ADCY7: variants seen among roughly 807,000 people sequenced by gnomAD.
ADCY7 encodes adenylate cyclase type 7.
In ADCY7, 72 loss-of-function variants were observed where a neutral mutation model predicts 120.6. The observed-to-expected ratio is 0.60, with a 90% confidence interval of 0.49 to 0.73. The LOEUF (loss-of-function observed/expected upper bound fraction) is 0.73. Ranked by LOEUF, ADCY7 falls within the 30% of genes least tolerant of loss-of-function variation. The pLI is 0.00. For missense variants in ADCY7, 1,227 were observed against 1,486.0 expected (o/e 0.83, Z 2.87); for synonymous variants, 661 against 628.0 (o/e 1.05, Z -0.78).
Position 50,308,331 on chromosome 16 carries a change from G to A in ADCY7, c.1855G>A (p.Ala619Thr), listed in dbSNP as rs2036216680. 5 of 1,614,220 alleles carry A rather than the reference G, an allele frequency of 3.1e-6. No homozygotes were observed. Among genetic ancestry groups the A allele is most frequent in the African/African-American group, 2.7e-5 (2 of 75,058 alleles). The part of the protein sequence containing the change: ...LVHVLLMPRT[A>T]ALGVSFGLVA... ...AGGTTCTTCCCTCCTCTCCAGGACG[G>A]CGGCACTGGGTGTGTCCTTCGGGCT... The change falls in exon 16 of 26, where the codon GCG (alanine) becomes ACG (threonine). Residue 619 changes from alanine (A) to threonine (T), a missense_variant. Coordinates refer to ENST00000673801, the MANE Select transcript of ADCY7 (RefSeq NM_001114.5).
Position 50,288,035 on chromosome 16 carries a change from A to T in ADCY7, c.-145A>T. 1 of 933,300 alleles carries T rather than the reference A, an allele frequency of 1.1e-6. No individual in the cohort carries two copies. The highest frequency in any genetic ancestry group is 1.5e-6 in the Non-Finnish European group (1 of 650,270). The allele number at this position is 933,300 out of a possible 1,614,324, so 57.8% of individuals were successfully genotyped here. A position where few individuals can be genotyped will look rare whatever the true frequency, so the allele number is the denominator to read the frequency against. ...TTGTTGGCCATGGAGCAGCAGGCCC[A>T]GAGGCCCTCTCCCCAGCCCTGCTTG... On this transcript the variant is annotated 5_prime_UTR_variant, in exon 2 of 26. Coordinates refer to ENST00000673801, the MANE Select transcript of ADCY7 (RefSeq NM_001114.5).
In ADCY7 at chr16:50,294,622, ACCC is replaced by A; in HGVS notation, c.837-17_837-15del. ...GAGCCTGGCTCTGACACTCCCTCCC[ACCC>A]TGCCCCATCCCCAGCATCCTCTATG... is the stretch of plus-strand genomic sequence containing the variant. On this transcript the variant is annotated splice_polypyrimidine_tract_variant and intron_variant, in intron 6 of 25. Transcript: ENST00000673801. 1.3e-6 allele frequency: 1 copy of A among 793,402 alleles called. No homozygotes were observed. The highest frequency in any genetic ancestry group is 2.2e-6 in the Non-Finnish European group (1 of 459,496). 49.1% of individuals were successfully genotyped at this position (793,402 alleles called of 1,614,324 possible). A position where few individuals can be genotyped will look rare whatever the true frequency, so the allele number is the denominator to read the frequency against.
At chr16:50,315,281 T>C (rs2036745742) in intron 25 of ADCY7, 78 bp from the exon 26 acceptor site, 2 of 1,567,214 alleles carry the variant, frequency 1.3e-6, no homozygotes, top group South Asian at 1.2e-5. Flanking sequence ...ACTGCATGCC[T>C]GGGCAGTCTC....
chr16:50,269,456 G>A (rs1329012335), intron 1 of ADCY7, among the ~76,000 whole-genome samples: 1 of 152,228 alleles, frequency 6.6e-6, no homozygotes, highest in Non-Finnish European at 1.5e-5. Context: ...ACCCTGCCCT[G>A]TGCCTGGACT....
At chr16:50,295,478 G>C (rs2035295175) in intron 7 of ADCY7, among the ~76,000 whole-genome samples, 1 of 150,450 alleles carries the variant, frequency 6.6e-6, no homozygotes, top group African/African-American at 2.5e-5. Context: ...ACAGCCGTGG[G>C]CCACCACTCC....
chr16:50,313,943 C>T lies in ADCY7; in HGVS notation c.2752-15C>T. 1 of 1,605,346 alleles carries T rather than the reference C, an allele frequency of 6.2e-7. No individual in the cohort carries two copies. The highest frequency in any genetic ancestry group is 8.5e-7 in the Non-Finnish European group (1 of 1,174,252). On this transcript the variant is annotated splice_polypyrimidine_tract_variant and intron_variant, in intron 22 of 25. Coordinates refer to ENST00000673801, the MANE Select transcript of ADCY7 (RefSeq NM_001114.5). Reference sequence around the variant, plus strand: ...TGGAGTGGCGGCTGCTTCACCGCTTCCTTCTTGCCTGCAGCTCCTACTGAA... The same window carrying T: ...TGGAGTGGCGGCTGCTTCACCGCTTTCTTCTTGCCTGCAGCTCCTACTGAA...
intron 1 of ADCY7, among the ~76,000 whole-genome samples, chr16:50,278,338 G>C (rs560152910): frequency 6.6e-6 from 1 of 152,278 alleles, no homozygotes; most frequent in South Asian, 2.1e-4. Flanking sequence ...ACCATGCCTG[G>C]CCCTTCCAAA....
rs531588730 is a variant in ADCY7 at position 50,308,016 on chromosome 16, A to G, written c.1851-311A>G. Among the ~76,000 whole-genome samples the G allele has an allele frequency of 2.1e-3, 321 of 149,556 alleles. 3 individuals carry two copies. The highest frequency in any genetic ancestry group is 7.6e-3 in the African/African-American group (309 of 40,922). On this transcript the variant is annotated intron_variant, in intron 15 of 25. Transcript: ENST00000673801. ...ATCTCAAAAAAAAAAAAAAAAAAAA[A>G]CGAAGAAAGATGTAATAGGGAATGC...
At chr16:50,275,670 A>T (rs997922308) in intron 1 of ADCY7, among the ~76,000 whole-genome samples, 5 of 152,228 alleles carry the variant, frequency 3.3e-5, no homozygotes, top group African/African-American at 1.2e-4. Flanking sequence ...ATGGCTGTGG[A>T]TGTGTGTGGC....
chr16:50,247,309 C>T (rs770721972), intron 1 of ADCY7, among the ~76,000 whole-genome samples: 1 of 152,124 alleles, frequency 6.6e-6, no homozygotes, highest in Non-Finnish European at 1.5e-5. Flanking sequence ...CTGACTGGGC[C>T]TGGGGAGCAG....
intron 1 of ADCY7, among the ~76,000 whole-genome samples, chr16:50,253,589 C>T (rs763299357): frequency 1.3e-5 from 2 of 152,220 alleles, no homozygotes; most frequent in Admixed American, 1.3e-4. Flanking sequence ...GTGGTGCCCT[C>T]AGGCTGGACC....
chr16:50,315,581 C>A lies in ADCY7; in HGVS notation c.*76C>A. The A allele has an allele frequency of 1.3e-6, 2 of 1,549,218 alleles. No homozygotes were observed. The highest frequency in any genetic ancestry group is 1.8e-6 in the Non-Finnish European group (2 of 1,136,166). ...AGCAAGCCCAGGAGAAGACTCTCCG[C>A]CCCACGCCAATCCCAAAGGCATGCA... On this transcript the variant is annotated 3_prime_UTR_variant, in exon 26 of 26. Transcript: ENST00000673801.
chr16:50,290,639 G>T lies in ADCY7; in HGVS notation c.354G>T (p.Lys118Asn). The change falls in exon 3 of 26, where the codon AAG becomes AAT. Residue 118 changes from lysine (K) to asparagine (N), a missense_variant. Around this residue, in one of 5 missense-constraint regions of ADCY7, gnomAD observed 382 missense variants for 411.4 expected, o/e 0.93. Coordinates refer to ENST00000673801, the MANE Select transcript of ADCY7 (RefSeq NM_001114.5). ...GYVLVFDAWT[K>N]AACAWEQVPF... ...TGCTGGTGTTCGACGCATGGACAAA[G>T]GCGGCCTGTGCGTGGGAGCAGGTAA... 6.2e-7 allele frequency: 1 copy of T among 1,613,858 alleles called. No homozygotes were observed. Among genetic ancestry groups the T allele is most frequent in the Non-Finnish European group, 8.5e-7 (1 of 1,179,842 alleles).
chr16:50,253,913 G>C (rs1461851104), intron 1 of ADCY7, among the ~76,000 whole-genome samples: 1 of 152,106 alleles, frequency 6.6e-6, no homozygotes, highest in Non-Finnish European at 1.5e-5. Context: ...GTGTGTCTCT[G>C]TCTTTGTCCT....
At chr16:50,276,160 G>A (rs1480457092) in intron 1 of ADCY7, among the ~76,000 whole-genome samples, 2 of 152,208 alleles carry the variant, frequency 1.3e-5, no homozygotes, top group Non-Finnish European at 2.9e-5. Flanking sequence ...TGGGTGGGAC[G>A]GCTGCTCCCT....
At chr16:50,277,668 GTTT>G (rs755335071) in intron 1 of ADCY7, among the ~76,000 whole-genome samples, 5 of 114,952 alleles carry the variant, frequency 4.3e-5, no homozygotes, top group Non-Finnish European at 3.7e-5. Flanking sequence ...ACCATGGTAG[GTTT>G]TTTTTTTTTT....
intron 1 of ADCY7, among the ~76,000 whole-genome samples, chr16:50,283,049 CTG>C (rs2034374964): frequency 6.6e-6 from 1 of 152,022 alleles, no homozygotes; most frequent in African/African-American, 2.4e-5. Flanking sequence ...GGAGGACTGG[CTG>C]TGTCTGCAGG....
At chr16:50,273,652 G>A (rs780957932) in intron 1 of ADCY7, among the ~76,000 whole-genome samples, 18 of 152,334 alleles carry the variant, frequency 1.2e-4, no homozygotes, top group Non-Finnish European at 1.9e-4. Flanking sequence ...ATAGGCCATG[G>A]AGCGAAGAGA....
At chr16:50,314,474 C>T (rs1597001859) in intron 24 of ADCY7, 68 bp downstream of exon 24, 4 of 1,145,040 alleles carry the variant, frequency 3.5e-6, no homozygotes, top group Non-Finnish European at 2.6e-6. Flanking sequence ...GTCTGTGTGG[C>T]ACAGCTGCAC....
Sources: allele counts gnomAD v4.1 joint callset (sites outside exome capture counted in the v4.1 genomes callset), GRCh38; gene constraint gnomAD v4.1.1; regional missense constraint gnomAD v4.1.1; transcripts MANE v1.5; gene names NCBI Gene and HGNC (gene_info 2026-07-23, HGNC 2026-07-21).